The following HJURP variants were observed in gnomAD, a reference collection of about 807,000 sequenced individuals.
The protein encoded by HJURP is 14-3-3-associated AKT substrate.
A neutral mutation model predicts 72.0 loss-of-function variants in HJURP; 49 were observed. That is an observed-to-expected ratio of 0.68 (90% CI 0.54 to 0.86). The LOEUF is 0.86. HJURP is among the 40% of genes least tolerant of loss of function. The pLI is 0.00. For synonymous variants in HJURP, 357 were observed against 347.1 expected (o/e 1.03, Z -0.32); for missense variants, 908 against 936.3 (o/e 0.97, Z 0.39).
chr2:233,842,078 G>C lies in HJURP; in HGVS notation c.702C>G (p.Leu234=). 6.2e-7 allele frequency: 1 copy of C among 1,614,230 alleles called. No homozygotes were observed. The highest frequency in any genetic ancestry group is 1.6e-4 in the Middle Eastern group (1 of 6,062). ...DMALVPRNDS[L]SLQETSSSSF... ...TGCTGCTACTGGTCTCTTGTAGGGA[G>C]AGGCTGTCATTTCTAGGTACTAAGG... Residue 234 remains leucine, a synonymous_variant, in exon 8 of 9, where the codon CTC becomes CTG. Coordinates refer to ENST00000411486, the MANE Select transcript of HJURP (RefSeq NM_018410.5).
In HJURP at chr2:233,845,502, C is replaced by T. The variant is rs180887530; in HGVS notation, c.495+226G>A. On this transcript the variant is annotated intron_variant, in intron 6 of 8. Transcript: ENST00000411486. ...GCCCCAGAACAGTGGGCAGAGCACC[C>T]CTGCCAGGGCTCCCACCTTCCTGAT... 7.9e-5 allele frequency among the ~76,000 whole-genome samples: 12 copies of T among 152,278 alleles called. No homozygotes were observed. In the East Asian group the frequency reaches 2.3e-3, roughly 29 times the overall value.
At chr2:233,850,483 G>A (rs1469930735) in intron 3 of HJURP, among the ~76,000 whole-genome samples, 1 of 152,136 alleles carries the variant, frequency 6.6e-6, no homozygotes, top group Non-Finnish European at 1.5e-5. Flanking sequence ...GGCATCGGTG[G>A]GTTCTCAGTA....
intron 3 of HJURP, among the ~76,000 whole-genome samples, chr2:233,851,418 C>T (rs999602385): frequency 2.0e-5 from 3 of 152,144 alleles, no homozygotes; most frequent in Admixed American, 6.5e-5. Context: ...CAACACAGAG[C>T]TGAGTAGTTA....
chr2:233,849,842 G>C lies in HJURP; in HGVS notation c.258C>G (p.Pro86=). 1 of 1,551,954 alleles carries C rather than the reference G, an allele frequency of 6.4e-7. No homozygotes were observed. The highest frequency in any genetic ancestry group is 8.7e-7 in the Non-Finnish European group (1 of 1,146,920). ...EGEIQDSSMK[P]ADRTDGSVQA... is the part of the protein sequence containing the mutation. ...GCACGGAGCCATCTGTCCTGTCCGC[G>C]GGCTTCATGGAGGAGTCCTCCAAGT... The change falls in exon 4 of 9, where the codon CCC becomes CCG. Residue 86 remains proline, a synonymous_variant. Transcript: ENST00000411486.
In HJURP at chr2:233,846,089, C is replaced by G. The variant is rs1162140298; in HGVS notation, c.403-269G>C. 5.7e-6 allele frequency: 2 copies of G among 353,314 alleles called. No homozygotes were observed. Among genetic ancestry groups the G allele is most frequent in the Non-Finnish European group, 1.0e-5 (2 of 193,584 alleles). 21.9% of individuals were successfully genotyped at this position (353,314 alleles called of 1,614,324 possible). A position where few individuals can be genotyped will look rare whatever the true frequency, so the allele number is the denominator to read the frequency against. On this transcript the variant is annotated intron_variant, in intron 5 of 8. Transcript: ENST00000411486. This position sits in a 1 kb window ranked among gnomAD's most constrained non-coding sequence, Gnocchi z 4.3. ...ATTGCTAGACCAGGAAAAAAAAAAT[C>G]TGAATATTCATAGGTGAGTTCAGGA...
At chr2:233,843,515 C>T (rs1574644621) in intron 7 of HJURP, among the ~76,000 whole-genome samples, 1 of 152,248 alleles carries the variant, frequency 6.6e-6, no homozygotes, top group East Asian at 1.9e-4. Context: ...AGGAAGCAAT[C>T]AGGTCCAAAT....
intron 4 of HJURP, 67 bp downstream of exon 4, chr2:233,849,696 C>A: frequency 1.0e-6 from 1 of 975,212 alleles, no homozygotes; most frequent in African/African-American, 1.6e-5. Flanking sequence ...AGGCTTTAAG[C>A]TGTTGTAACA....
chr2:233,840,820 T>C lies in HJURP; in HGVS notation c.1960A>G (p.Thr654Ala). 3 of 1,613,760 alleles carry C rather than the reference T, an allele frequency of 1.9e-6. No homozygotes were observed. The highest frequency in any genetic ancestry group is 1.7e-6 in the Non-Finnish European group (2 of 1,179,910). The change falls in exon 8 of 9, where the codon ACT (threonine) becomes GCT (alanine). Residue 654 changes from threonine (T) to alanine (A), a missense_variant. Transcript: ENST00000411486. ...GTAGATGAAGGAGCCTCAATTGCAG[T>C]TGAGCCCAGTAGACTTTTTCTGCAC... is the stretch of plus-strand genomic sequence containing the variant. ...LGCRKSLLGS[T>A]AIEAPSSTCV... is the part of the protein sequence containing the mutation.
chr2:233,839,005 C>T (rs1468578852), intron 8 of HJURP, among the ~76,000 whole-genome samples: 1 of 152,176 alleles, frequency 6.6e-6, no homozygotes, highest in East Asian at 1.9e-4. Context: ...ACACAGTGCC[C>T]CTGACCCTAG....
At position 233,840,724 on chromosome 2, in the gene HJURP, AT is replaced by A; in HGVS notation, c.2055del (p.Ser686GlnfsTer55). ...TGGCGTCCGGAGCCCTGGGGTTCTG[AT>A]AGCCTGGGTCTTTTTGCAGGGAACT... ...DHQFPAKRPR[L>X]SEPQGSGRQG... On this transcript the variant is annotated frameshift_variant, in exon 8 of 9. Transcript: ENST00000411486. LOFTEE classifies it high-confidence loss of function. The A allele has an allele frequency of 1.2e-6, 2 of 1,614,036 alleles. No individual in the cohort carries two copies. The highest frequency in any genetic ancestry group is 1.7e-6 in the Non-Finnish European group (2 of 1,180,004).
rs760666518 is a variant in HJURP, at chr2:233,852,603, C to G, written c.202G>C (p.Gly68Arg). Residue 68 changes from glycine to arginine, a missense_variant, in exon 3 of 9, where the codon GGA (glycine) becomes CGA (arginine). This residue lies in a region of HJURP where 299 missense variants were observed against 286.7 expected (regional missense o/e 1.04). Coordinates refer to ENST00000411486, the MANE Select transcript of HJURP (RefSeq NM_018410.5). Reference protein sequence around the residue: ...ETPQGLRIWGGRLIKERNEGE... With the variant: ...ETPQGLRIWGRRLIKERNEGE... Reference sequence around the variant, plus strand: ...TCGTTTCTTTCCTTTATTAGTCTTCCACCCCAAATTCTCAATCCTGAAGAA... The same window carrying G: ...TCGTTTCTTTCCTTTATTAGTCTTCGACCCCAAATTCTCAATCCTGAAGAA... The G allele has an allele frequency of 1.2e-6, 2 of 1,605,024 alleles. No individual in the cohort carries two copies. Among genetic ancestry groups the G allele is most frequent in the Admixed American group, 1.7e-5 (1 of 59,982 alleles).
At chr2:233,853,044 G>T (rs1381400220) in intron 2 of HJURP, among the ~76,000 whole-genome samples, 1 of 152,186 alleles carries the variant, frequency 6.6e-6, no homozygotes, top group African/African-American at 2.4e-5. Flanking sequence ...AAGGGTAGCA[G>T]ACCTGCCACT....
intron 6 of HJURP, 42 bp from the exon 7 acceptor site, chr2:233,844,325 T>C (rs760314124): frequency 2.6e-6 from 4 of 1,526,370 alleles, no homozygotes; most frequent in Non-Finnish European, 3.6e-6. Context: ...AGTTGCCAGG[T>C]GTCAACTGGG....
intron 8 of HJURP, among the ~76,000 whole-genome samples, chr2:233,839,008 G>C (rs1290786626): frequency 6.6e-6 from 1 of 152,206 alleles, no homozygotes; most frequent in Non-Finnish European, 1.5e-5. Flanking sequence ...CAGTGCCCCT[G>C]ACCCTAGCTG....
In HJURP at chr2:233,840,882, A is replaced by T; in HGVS notation, c.1898T>A (p.Phe633Tyr). The change falls in exon 8 of 9, where the codon TTC becomes TAC. Residue 633 changes from phenylalanine (F) to tyrosine (Y), a missense_variant. Around this residue, in one of 3 missense-constraint regions of HJURP, gnomAD observed 598 missense variants for 619.5 expected, o/e 0.97. Coordinates refer to ENST00000411486, the MANE Select transcript of HJURP (RefSeq NM_018410.5). Reference sequence around the variant, plus strand: ...TGATGGCAACTTCTGGAAACCCTGGAAGTGAGGGTCTGGATTTAATTTTCC... The same window carrying T: ...TGATGGCAACTTCTGGAAACCCTGGTAGTGAGGGTCTGGATTTAATTTTCC... ...FLGKLNPDPH[F>Y]QGFQKLPSSP... is the part of the protein sequence containing the mutation. The T allele has an allele frequency of 2.5e-6, 4 of 1,614,080 alleles. No homozygotes were observed. The highest frequency in any genetic ancestry group is 2.5e-6 in the Non-Finnish European group (3 of 1,180,024).
At chr2:233,844,629 C>A (rs1705311217) in intron 6 of HJURP, among the ~76,000 whole-genome samples, 1 of 152,146 alleles carries the variant, frequency 6.6e-6, no homozygotes, top group Non-Finnish European at 1.5e-5. Flanking sequence ...CAAAGAAGAC[C>A]CAGTAGATCC....
chr2:233,837,742 A>G, intron 8 of HJURP, 90 bp from the exon 9 acceptor site: 1 of 766,762 alleles, frequency 1.3e-6, no homozygotes, highest in South Asian at 1.5e-5. Context: ...TTTTCTACTT[A>G]TTCCATTGCA....
At chr2:233,849,701 G>T (rs1574650112) in intron 4 of HJURP, 62 bp downstream of exon 4, 1 of 1,053,024 alleles carries the variant, frequency 9.5e-7, no homozygotes. Flanking sequence ...TTAAGCTGTT[G>T]TAACAGGTGC....
chr2:233,847,570 C>A, intron 4 of HJURP, 109 bp from the exon 5 acceptor site: 1 of 927,390 alleles, frequency 1.1e-6, no homozygotes, highest in South Asian at 1.4e-5. Flanking sequence ...TAAAAATCCC[C>A]ATTGCTTCAA....
Sources: gnomAD v4.1 joint callset for allele counts (sites outside exome capture counted in the v4.1 genomes callset) on GRCh38, gnomAD v4.1.1 for gene constraint, gnomAD v4.1.1 regional missense constraint, Gnocchi (gnomAD v3.1) non-coding constraint, MANE v1.5 for transcripts, NCBI Gene and HGNC (gene_info 2026-07-23, HGNC 2026-07-21) for gene names.